Variants in RNF144B observed in about 807,000 individuals in gnomAD.
The protein encoded by RNF144B is ring finger protein 144B, also known as E3 ubiquitin-protein ligase RNF144B.
In RNF144B, 25 loss-of-function variants were observed where a neutral mutation model predicts 40.2. The ratio of observed to expected loss-of-function variants is 0.62; its 90% CI spans 0.45 to 0.87. The LOEUF (loss-of-function observed/expected upper bound fraction) is 0.87. RNF144B is among the 40% of genes least tolerant of loss of function. RNF144B has a pLI of 0.00. For missense variants in RNF144B, 365 were observed against 373.7 expected (o/e 0.98, Z 0.19); for synonymous variants, 145 against 136.3 (o/e 1.06, Z -0.44).
At chr6:18,429,881 G>A (rs35875982) in intron 3 of RNF144B, among the ~76,000 whole-genome samples, 18,236 of 152,094 alleles carry the variant, frequency 0.12, 1,299 homozygotes, top group Admixed American at 0.19. Flanking sequence ...AATAAGAAAG[G>A]CCCGCTAGTG....
chr6:18,407,451 A>G (rs2113471270), intron 2 of RNF144B, among the ~76,000 whole-genome samples: 1 of 152,294 alleles, frequency 6.6e-6, no homozygotes, highest in South Asian at 2.1e-4. Flanking sequence ...ATCTAGATAA[A>G]TTACTTAGTA....
At chr6:18,426,931 C>T (rs1282430498) in intron 2 of RNF144B, among the ~76,000 whole-genome samples, 3 of 151,820 alleles carry the variant, frequency 2.0e-5, no homozygotes, top group African/African-American at 7.3e-5. Context: ...CTACTCCAAC[C>T]TCCTTAACAT....
In RNF144B at chr6:18,416,837, T is replaced by G. The variant is rs1795156548; in HGVS notation, c.166-10744T>G. Among the ~76,000 whole-genome samples, 1 of 152,192 alleles carries G rather than the reference T, an allele frequency of 6.6e-6. No homozygotes were observed. The highest frequency in any genetic ancestry group is 6.6e-5 in the Admixed American group (1 of 15,264). The stretch of plus-strand genomic sequence containing the variant: ...TTAGAATGGAGGGCATGGGTGGTAC[T>G]GAACTAGTGGTGCTTAGACTTGGTT... On this transcript the variant is annotated intron_variant, in intron 2 of 7. Coordinates refer to ENST00000259939, the MANE Select transcript of RNF144B (RefSeq NM_182757.4). The surrounding 1 kb of genome is among the most constrained non-coding windows in gnomAD (Gnocchi z 5.5).
At chr6:18,429,515 A>G (rs1174283231) in intron 3 of RNF144B, among the ~76,000 whole-genome samples, 1 of 152,188 alleles carries the variant, frequency 6.6e-6, no homozygotes, top group African/African-American at 2.4e-5. Context: ...TTAGGGAAGT[A>G]TAAAAGGAAT....
chr6:18,436,427 C>T (rs1443575666), intron 3 of RNF144B, among the ~76,000 whole-genome samples: 1 of 151,908 alleles, frequency 6.6e-6, no homozygotes, highest in East Asian at 1.9e-4. Flanking sequence ...TCTATTGTAT[C>T]GAAATATAAA....
rs565075115 is a variant in RNF144B at position 18,409,273 on chromosome 6, G to A, written c.165+9574G>A. On this transcript the variant is annotated intron_variant, in intron 2 of 7. Coordinates refer to ENST00000259939, the MANE Select transcript of RNF144B (RefSeq NM_182757.4). ...CACACCTGTAATCCCAGCTATTTGGGAGGCTGAGGCATGAGAACTGCTTGA... is the reference window on the plus strand; with the variant it reads ...CACACCTGTAATCCCAGCTATTTGGAAGGCTGAGGCATGAGAACTGCTTGA... Among the ~76,000 whole-genome samples the A allele has an allele frequency of 5.3e-5, 8 of 150,232 alleles. No individual in the cohort carries two copies. In the South Asian group the frequency reaches 1.7e-3, roughly 32 times the overall value.
intron 3 of RNF144B, among the ~76,000 whole-genome samples, 183 bp downstream of exon 3, chr6:18,427,868 A>T (rs1307077091): frequency 6.6e-6 from 1 of 152,234 alleles, no homozygotes; most frequent in Non-Finnish European, 1.5e-5. Flanking sequence ...GCTGTCATTT[A>T]TCTCAGTTCT....
At chr6:18,407,994 T>C (rs1382629755) in intron 2 of RNF144B, among the ~76,000 whole-genome samples, 1 of 150,030 alleles carries the variant, frequency 6.7e-6, no homozygotes, top group African/African-American at 2.4e-5. Context: ...CTTTTTTTTT[T>C]TTTTTTTCCA....
intron 4 of RNF144B, among the ~76,000 whole-genome samples, chr6:18,454,654 G>A (rs487014): frequency 0.22 from 33,001 of 152,050 alleles, 3,586 homozygotes; most frequent in Admixed American, 0.26. Context: ...TGCTTTCAAC[G>A]GACTGTGCCA....
Position 18,416,905 on chromosome 6 carries a change from G to A in RNF144B, c.166-10676G>A, listed in dbSNP as rs1383143005. The stretch of plus-strand genomic sequence containing the variant: ...CAAGAGTTTAAAAATATTGATAACA[G>A]TTCAGCAAGGTGGCAGAATATAAGA... On this transcript the variant is annotated intron_variant, in intron 2 of 7. Coordinates refer to ENST00000259939, the MANE Select transcript of RNF144B (RefSeq NM_182757.4). The surrounding 1 kb of genome is among the most constrained non-coding windows in gnomAD (Gnocchi z 5.5). Among the ~76,000 whole-genome samples, 1 of 152,086 alleles carries A rather than the reference G, an allele frequency of 6.6e-6. No homozygotes were observed. The highest frequency in any genetic ancestry group is 1.5e-5 in the Non-Finnish European group (1 of 68,032).
chr6:18,396,740 G>A, intron 1 of RNF144B: 1 of 985,376 alleles, frequency 1.0e-6, no homozygotes, highest in African/African-American at 1.7e-5. Flanking sequence ...GGAAGTTGGT[G>A]GGACTGTGTG....
Position 18,418,791 on chromosome 6 carries a change from TATA to T in RNF144B, c.166-8786_166-8784del, listed in dbSNP as rs1244595053. Among the ~76,000 whole-genome samples, 4 of 151,410 alleles carry T rather than the reference TATA, an allele frequency of 2.6e-5. No individual in the cohort carries two copies. Among genetic ancestry groups the T allele is most frequent in the African/African-American group, 9.7e-5 (4 of 41,280 alleles). ...ATAAAACATGACATAATATAAAATATATAATATTTACATATCATATATAATAAT... is the reference window on the plus strand; with the variant it reads ...ATAAAACATGACATAATATAAAATATATATTTACATATCATATATAATAAT... On this transcript the variant is annotated intron_variant, in intron 2 of 7. Transcript: ENST00000259939. The surrounding 1 kb of genome is among the most constrained non-coding windows in gnomAD (Gnocchi z 5.2).
In RNF144B at chr6:18,448,602, G is replaced by A. The variant is rs554741269; in HGVS notation, c.332-8553G>A. The stretch of plus-strand genomic sequence containing the variant: ...AAATCATCCAGCAGATATTTATAGA[G>A]CACCAACTTTGTGTAAGTCACTGTT... On this transcript the variant is annotated intron_variant, in intron 4 of 7. Coordinates refer to ENST00000259939, the MANE Select transcript of RNF144B (RefSeq NM_182757.4). This position sits in a 1 kb window ranked among gnomAD's most constrained non-coding sequence, Gnocchi z 4.0. Among the ~76,000 whole-genome samples the A allele has an allele frequency of 1.1e-4, 16 of 151,978 alleles. No homozygotes were observed. The highest frequency in any genetic ancestry group is 2.6e-4 in the Admixed American group (4 of 15,246).
Position 18,447,288 on chromosome 6 carries a change from C to G in RNF144B, c.331+7544C>G, listed in dbSNP as rs1759104701. On this transcript the variant is annotated intron_variant, in intron 4 of 7. Coordinates refer to ENST00000259939, the MANE Select transcript of RNF144B (RefSeq NM_182757.4). This position sits in a 1 kb window ranked among gnomAD's most constrained non-coding sequence, Gnocchi z 5.6. ...TTTCAGGCAGAGGTAAAGGTACCTA[C>G]AAAGCCCCTGAGGCAAGAACAAGCC... is the stretch of plus-strand genomic sequence containing the variant. Among the ~76,000 whole-genome samples the G allele has an allele frequency of 6.6e-6, 1 of 152,044 alleles. No individual in the cohort carries two copies. Among genetic ancestry groups the G allele is most frequent in the South Asian group, 2.1e-4 (1 of 4,824 alleles).
Position 18,387,385 on chromosome 6 carries a change from G to T in RNF144B, c.-282G>T. 5 of 1,169,238 alleles carry T rather than the reference G, an allele frequency of 4.3e-6. No individual in the cohort carries two copies. The highest frequency in any genetic ancestry group is 5.4e-6 in the Non-Finnish European group (5 of 929,178). 72.4% of individuals were successfully genotyped at this position (1,169,238 alleles called of 1,614,324 possible). A position where few individuals can be genotyped will look rare whatever the true frequency, so the allele number is the denominator to read the frequency against. On this transcript the variant is annotated 5_prime_UTR_variant, in exon 1 of 8. Coordinates refer to ENST00000259939, the MANE Select transcript of RNF144B (RefSeq NM_182757.4). ...CCACGCTCCCGCTGCAACAGTCCCG[G>T]GCATCGCAGCTGCCAGTCAAGGCTA...
chr6:18,462,070 A>T (rs950254023), intron 6 of RNF144B, among the ~76,000 whole-genome samples: 7 of 152,192 alleles, frequency 4.6e-5, no homozygotes, highest in Non-Finnish European at 8.8e-5. Context: ...CAACATATCC[A>T]TGCATTCGGC....
At position 18,459,773 on chromosome 6, in the gene RNF144B, T is replaced by C; in HGVS notation, c.681+22T>C. 8 of 1,611,984 alleles carry C rather than the reference T, an allele frequency of 5.0e-6. No individual in the cohort carries two copies. Among genetic ancestry groups the C allele is most frequent in the Non-Finnish European group, 6.8e-6 (8 of 1,178,176 alleles). ...GGATGTAAGTTCCACCTAGGTTTGTTGTATGGTGTTTCCTATACTGTATCT... is the reference window on the plus strand; with the variant it reads ...GGATGTAAGTTCCACCTAGGTTTGTCGTATGGTGTTTCCTATACTGTATCT... On this transcript the variant is annotated intron_variant, in intron 6 of 7. Transcript: ENST00000259939. The surrounding 1 kb of genome is among the most constrained non-coding windows in gnomAD (Gnocchi z 4.2).
intron 2 of RNF144B, among the ~76,000 whole-genome samples, chr6:18,421,099 A>G (rs761192404): frequency 6.6e-6 from 1 of 151,936 alleles, no homozygotes; most frequent in Non-Finnish European, 1.5e-5. Flanking sequence ...TACCAAAAAT[A>G]CAAAATAGCC....
chr6:18,396,197 G>A (rs1328087584), intron 1 of RNF144B: 1 of 201,300 alleles, frequency 5.0e-6, no homozygotes, highest in Admixed American at 6.5e-5. Context: ...GTTTCACATG[G>A]TCTTGATTAC....
Sources: gnomAD v4.1 joint callset for allele counts (sites outside exome capture counted in the v4.1 genomes callset) on GRCh38, gnomAD v4.1.1 for gene constraint, Gnocchi (gnomAD v3.1) non-coding constraint, MANE v1.5 for transcripts, NCBI Gene and HGNC (gene_info 2026-07-23, HGNC 2026-07-21) for gene names.